Variants in VTI1A observed in about 807,000 individuals in gnomAD.
The protein encoded by VTI1A is vesicle transport through interaction with t-SNAREs homolog 1A.
A neutral mutation model predicts 34.9 loss-of-function variants in VTI1A; 22 were observed. The ratio of observed to expected loss-of-function variants is 0.63; its 90% CI spans 0.45 to 0.90. The LOEUF (loss-of-function observed/expected upper bound fraction) is 0.90, where lower values mean the gene tolerates loss of function less well. Ranked by LOEUF, VTI1A falls within the 40% of genes least tolerant of loss-of-function variation. VTI1A has a pLI of 0.00. For missense variants in VTI1A, 268 were observed against 275.6 expected (o/e 0.97, Z 0.20); for synonymous variants, 87 against 97.3 (o/e 0.89, Z 0.62).
intron 5 of VTI1A, among the ~76,000 whole-genome samples, chr10:112,575,539 C>T (rs1450850411): frequency 6.6e-6 from 1 of 152,190 alleles, no homozygotes. Flanking sequence ...AGAATGTTAA[C>T]GTTCATCTTC....
chr10:112,491,107 C>T (rs144369339), intron 3 of VTI1A, among the ~76,000 whole-genome samples: 2 of 151,896 alleles, frequency 1.3e-5, no homozygotes, highest in Admixed American at 6.6e-5. Context: ...GTAGAACATT[C>T]GATGTATGGC....
At chr10:112,798,642 T>G (rs1852760131) in intron 7 of VTI1A, among the ~76,000 whole-genome samples, 1 of 152,202 alleles carries the variant, frequency 6.6e-6, no homozygotes, top group African/African-American at 2.4e-5. Context: ...TAGTTTTCTT[T>G]ATCTTCATCA....
intron 3 of VTI1A, among the ~76,000 whole-genome samples, chr10:112,514,943 C>T (rs553195895): frequency 4.2e-4 from 64 of 151,974 alleles, no homozygotes; most frequent in Admixed American, 1.2e-3. Context: ...GTTGCTGTAA[C>T]GTGTAATGCT....
chr10:112,712,936 T>C (rs1849478384), intron 7 of VTI1A, among the ~76,000 whole-genome samples: 1 of 152,204 alleles, frequency 6.6e-6, no homozygotes, highest in East Asian at 1.9e-4. Context: ...CAAAAGCTGC[T>C]GCAAATGTGG....
At chr10:112,497,492 T>C (rs1308282413) in intron 3 of VTI1A, among the ~76,000 whole-genome samples, 1 of 152,220 alleles carries the variant, frequency 6.6e-6, no homozygotes, top group Non-Finnish European at 1.5e-5. Context: ...AAAGGATTAT[T>C]GTGAAGAGTA....
intron 5 of VTI1A, among the ~76,000 whole-genome samples, chr10:112,627,280 A>G (rs532602435): frequency 5.3e-5 from 8 of 152,340 alleles, no homozygotes; most frequent in African/African-American, 1.4e-4. Context: ...GATTGAAATT[A>G]TCATTGATGA....
intron 7 of VTI1A, among the ~76,000 whole-genome samples, chr10:112,809,852 AAG>A (rs748799746): frequency 2.6e-5 from 4 of 152,158 alleles, no homozygotes; most frequent in Non-Finnish European, 5.9e-5. Flanking sequence ...ATGTACTGGA[AAG>A]AGAGATGTGT....
intron 5 of VTI1A, among the ~76,000 whole-genome samples, chr10:112,659,323 A>T (rs1219473813): frequency 6.6e-6 from 1 of 152,210 alleles, no homozygotes; most frequent in African/African-American, 2.4e-5. Flanking sequence ...TGAAAAAGGG[A>T]TGTCCTTCCT....
chr10:112,827,187 A>ATACT, the VTI1A span: 11 of 152,234 alleles, frequency 7.2e-5, no homozygotes, highest in Non-Finnish European at 1.2e-4. Context: ...CCCGTGTAGT[A>ATACT]CATAGTCACA....
intron 5 of VTI1A, among the ~76,000 whole-genome samples, chr10:112,599,786 C>G (rs745900478): frequency 1.3e-5 from 2 of 152,084 alleles, no homozygotes; most frequent in Non-Finnish European, 2.9e-5. Flanking sequence ...CAGTATGTTG[C>G]CCAGGTTGGT....
intron 5 of VTI1A, among the ~76,000 whole-genome samples, chr10:112,632,373 A>G (rs1479397463): frequency 1.3e-5 from 2 of 152,260 alleles, no homozygotes; most frequent in African/African-American, 2.4e-5. Flanking sequence ...GTGTAAAATC[A>G]GGGTTTATTT....
At position 112,763,151 on chromosome 10, in the gene VTI1A, G is replaced by T. The variant is rs532594102; in HGVS notation, c.561-52139G>T. 5.3e-5 allele frequency among the ~76,000 whole-genome samples: 8 copies of T among 152,104 alleles called. No homozygotes were observed. The South Asian group carries it at 1.7e-3, about 32-fold the overall frequency. ...CTTAAAATGTACCACTGGGCCAGGC[G>T]CAGTGGCTCACACCTGTAATCCCAA... On this transcript the variant is annotated intron_variant, in intron 7 of 7. Transcript: ENST00000393077.
At chr10:112,580,650 G>C (rs547169753) in intron 5 of VTI1A, among the ~76,000 whole-genome samples, 1 of 152,260 alleles carries the variant, frequency 6.6e-6, no homozygotes, top group East Asian at 1.9e-4. Context: ...AGTGACTGTA[G>C]GGTAGTAGGG....
Position 112,817,498 on chromosome 10 carries a change from A to G in VTI1A, c.*2115A>G, listed in dbSNP as rs189690298. ...TTGCCTGTGATTTTACCCCAATTCAACCTTGGGAGTGGGAAGAATATGAAC... is the reference window on the plus strand; with the variant it reads ...TTGCCTGTGATTTTACCCCAATTCAGCCTTGGGAGTGGGAAGAATATGAAC... On this transcript the variant is annotated 3_prime_UTR_variant, in exon 8 of 8. Transcript: ENST00000393077. 595 of 230,040 alleles carry G rather than the reference A, an allele frequency of 2.6e-3. 1 individual carries two copies. The highest frequency in any genetic ancestry group is 3.8e-3 in the Non-Finnish European group (437 of 116,092). 14.2% of individuals were successfully genotyped at this position (230,040 alleles called of 1,614,324 possible).
intron 7 of VTI1A, among the ~76,000 whole-genome samples, chr10:112,684,481 C>T (rs1396531754): frequency 6.6e-6 from 1 of 150,386 alleles, no homozygotes. Context: ...TTCTGTCACC[C>T]AGGCTGCAGT....
At chr10:112,652,403 G>A (rs1847067583) in intron 5 of VTI1A, among the ~76,000 whole-genome samples, 1 of 152,204 alleles carries the variant, frequency 6.6e-6, no homozygotes, top group East Asian at 1.9e-4. Context: ...TCCTGGAAAG[G>A]GAATTGAGGA....
At chr10:112,544,581 G>A (rs537332914) in intron 5 of VTI1A, among the ~76,000 whole-genome samples, 2 of 151,778 alleles carry the variant, frequency 1.3e-5, no homozygotes, top group South Asian at 4.2e-4. Context: ...AAGAGTAACG[G>A]CACCAGCCTG....
chr10:112,803,812 C>A (rs1430759625), intron 7 of VTI1A, among the ~76,000 whole-genome samples: 1 of 152,124 alleles, frequency 6.6e-6, no homozygotes, highest in Admixed American at 6.5e-5. Flanking sequence ...GGCATGGAGG[C>A]CTTTTCCAGG....
At chr10:112,525,173 G>C (rs939580807) in intron 3 of VTI1A, among the ~76,000 whole-genome samples, 1 of 152,120 alleles carries the variant, frequency 6.6e-6, no homozygotes, top group Non-Finnish European at 1.5e-5. Flanking sequence ...ATTGTCGAGC[G>C]ATCTGATGTA....
Sources: gnomAD v4.1 joint callset for allele counts (sites outside exome capture counted in the v4.1 genomes callset) on GRCh38, gnomAD v4.1.1 for gene constraint, MANE v1.5 for transcripts, NCBI Gene and HGNC (gene_info 2026-07-23, HGNC 2026-07-21) for gene names.